AIMP2: variants seen among roughly 807,000 people sequenced by gnomAD.
AIMP2 encodes aminoacyl tRNA synthetase complex interacting multifunctional protein 2.
A neutral mutation model predicts 23.4 loss-of-function variants in AIMP2; 20 were observed. The observed-to-expected ratio is 0.85, with a 90% CI of 0.60 to 1.24. The LOEUF is 1.24. Ranked by LOEUF, AIMP2 falls within the 50% of genes most tolerant of loss-of-function variation. The pLI, the probability that AIMP2 is intolerant of heterozygous loss-of-function variation, is 0.00. For missense variants in AIMP2, 515 were observed against 414.5 expected, an observed-to-expected ratio of 1.24 and a Z score of -2.10; for synonymous variants, 210 against 170.4, an observed-to-expected ratio of 1.23 and a Z score of -1.81.
intron 3 of AIMP2, 54 bp downstream of exon 3, chr7:6,018,099 GA>G: frequency 7.3e-7 from 1 of 1,364,144 alleles, no homozygotes; most frequent in Non-Finnish European, 1.0e-6. Context: ...TGAACACCAT[GA>G]GTTTCACCTG....
chr7:6,014,485 T>G (rs1461743095), intron 1 of AIMP2, among the ~76,000 whole-genome samples: 1 of 118,476 alleles, frequency 8.4e-6, no homozygotes, highest in Non-Finnish European at 1.8e-5. Context: ...CTCAAACTCT[T>G]GAAATCAGGT....
chr7:6,023,013 T>G (rs1787545525), intron 3 of AIMP2: 3 of 319,144 alleles, frequency 9.4e-6, no homozygotes, highest in Admixed American at 4.6e-5. Flanking sequence ...CCCCAAAACC[T>G]TAGGCAGCAG....
intron 1 of AIMP2, among the ~76,000 whole-genome samples, chr7:6,011,207 C>T (rs539364521): frequency 6.6e-6 from 1 of 152,248 alleles, no homozygotes; most frequent in East Asian, 1.9e-4. Context: ...ACTGCTGGCT[C>T]AGCGGCCCGC....
chr7:6,023,666 A>G lies in AIMP2; in HGVS notation c.938A>G (p.Asn313Ser). ...MRSCENLAPF[N>S]TALKLLK Reference sequence around the variant, plus strand: ...TCTTGTGAAAACCTGGCTCCTTTTAACACGGCCCTCAAGCTCCTTAAGTGA... The same window carrying G: ...TCTTGTGAAAACCTGGCTCCTTTTAGCACGGCCCTCAAGCTCCTTAAGTGA... The change falls in exon 4 of 4, where the codon AAC becomes AGC. Residue 313 changes from asparagine to serine, a missense_variant. Asn to Ser is a conservative substitution (Grantham distance 46, BLOSUM62 1). Coordinates refer to ENST00000223029, the MANE Select transcript of AIMP2 (RefSeq NM_006303.4). 6.2e-7 allele frequency: 1 copy of G among 1,614,142 alleles called. No individual in the cohort carries two copies. The highest frequency in any genetic ancestry group is 8.5e-7 in the Non-Finnish European group (1 of 1,180,024).
intron 3 of AIMP2, chr7:6,022,992 C>T (rs1011812101): frequency 3.6e-6 from 1 of 281,100 alleles, no homozygotes; most frequent in Non-Finnish European, 6.6e-6. Flanking sequence ...CCTGGGTTTC[C>T]AGCCCTCAGC....
At chr7:6,014,481 C>G (rs1306918536) in intron 1 of AIMP2, among the ~76,000 whole-genome samples, 1 of 132,956 alleles carries the variant, frequency 7.5e-6, no homozygotes, top group Non-Finnish European at 1.6e-5. Flanking sequence ...TGGTCTCAAA[C>G]TCTTGAAATC....
chr7:6,009,974 A>AAAAAATATATATAT, intron 1 of AIMP2, among the ~76,000 whole-genome samples: 1 of 26,668 alleles, frequency 3.7e-5, no homozygotes, highest in Non-Finnish European at 6.8e-5. Context: ...AAAAAAAAAA[A>AAAAAATATATATAT]ATATATATAT....
intron 1 of AIMP2, among the ~76,000 whole-genome samples, chr7:6,011,434 T>G (rs1786683032): frequency 6.6e-6 from 1 of 152,182 alleles, no homozygotes; most frequent in South Asian, 2.1e-4. Context: ...ATTGTGCTTT[T>G]GTAATGTACC....
Position 6,009,432 on chromosome 7 carries a change from C to T in AIMP2, c.69C>T (p.Cys23=), listed in dbSNP as rs201425558. 645 of 1,611,244 alleles carry T rather than the reference C, an allele frequency of 4.0e-4. 3 individuals are homozygous for T. The highest frequency in any genetic ancestry group is 4.8e-4 in the Non-Finnish European group (570 of 1,179,900). ...GAPLRVELPT[C]MYRLPNVHGR... ...CTCTCCGTGTGGAGCTTCCCACCTG[C>T]ATGTACCGGCTCCCCAACGTGCACG... Residue 23 remains cysteine, a synonymous_variant, in exon 1 of 4, where the codon TGC becomes TGT. Transcript: ENST00000223029.
At chr7:6,010,440 G>C (rs1014615913) in intron 1 of AIMP2, among the ~76,000 whole-genome samples, 3 of 88,814 alleles carry the variant, frequency 3.4e-5, no homozygotes, top group Non-Finnish European at 2.6e-5. Context: ...AATATAGTCT[G>C]GTTTTTTGTT....
At position 6,023,801 on chromosome 7, in the gene AIMP2, T is replaced by C. The variant is rs1787652547; in HGVS notation, c.*110T>C. On this transcript the variant is annotated 3_prime_UTR_variant, in exon 4 of 4. Transcript: ENST00000223029. ...GTCAGAGTCTTTTTATTTAGGCCAG[T>C]TGTCAAGTGTCAATAAAAGCATCAT... is the stretch of plus-strand genomic sequence containing the variant. The C allele has an allele frequency of 6.3e-7, 1 of 1,584,330 alleles. No homozygotes were observed. Among genetic ancestry groups the C allele is most frequent in the Non-Finnish European group, 8.6e-7 (1 of 1,163,480 alleles).
chr7:6,013,544 A>C (rs560978778), intron 1 of AIMP2, among the ~76,000 whole-genome samples: 33 of 152,238 alleles, frequency 2.2e-4, no homozygotes, highest in African/African-American at 7.7e-4. Context: ...TATAGGCATC[A>C]GTCAGCGCGC....
Position 6,023,326 on chromosome 7 carries a change from A to C in AIMP2, c.598A>C (p.Ser200Arg), listed in dbSNP as rs760513787. The C allele has an allele frequency of 1.2e-6, 2 of 1,601,872 alleles. No individual in the cohort carries two copies. Among genetic ancestry groups the C allele is most frequent in the South Asian group, 2.2e-5 (2 of 89,290 alleles). The stretch of plus-strand genomic sequence containing the variant: ...AGTGCCGAAGACGCAGATGAAATTC[A>C]GCATCCAGACGATGTGCCCCATCGA... ...KNVPKTQMKF[S>R]IQTMCPIEGE... Residue 200 changes from serine (S) to arginine (R), a missense_variant, in exon 4 of 4, where the codon AGC (serine) becomes CGC (arginine). Physicochemically the swap from Ser to Arg is moderately radical, Grantham distance 110 (BLOSUM62 -1). Transcript: ENST00000223029.
chr7:6,012,451 TTTG>T (rs1386395792), intron 1 of AIMP2, among the ~76,000 whole-genome samples: 1 of 152,056 alleles, frequency 6.6e-6, no homozygotes, highest in African/African-American at 2.4e-5. Flanking sequence ...TCTTGAACAT[TTTG>T]TTATTACTCA....
intron 3 of AIMP2, chr7:6,022,302 G>A (rs1305371161): frequency 1.3e-5 from 2 of 152,150 alleles, no homozygotes; most frequent in African/African-American, 4.8e-5. Flanking sequence ...ATAATATACA[G>A]ACCATACAAA....
chr7:6,015,249 T>C lies in AIMP2; in HGVS notation c.239T>C (p.Ile80Thr), dbSNP rs762892628. 1.9e-6 allele frequency: 3 copies of C among 1,614,176 alleles called. No homozygotes were observed. The highest frequency in any genetic ancestry group is 2.5e-6 in the Non-Finnish European group (3 of 1,180,036). Residue 80 changes from isoleucine to threonine, a missense_variant, in exon 2 of 4, where the codon ATT becomes ACT. Coordinates refer to ENST00000223029, the MANE Select transcript of AIMP2 (RefSeq NM_006303.4). Reference sequence around the variant, plus strand: ...GCAGTTGATGGCCTCTCCAAGATGATTCAAACACCAGATGCAGACTTGGAT... The same window carrying C: ...GCAGTTGATGGCCTCTCCAAGATGACTCAAACACCAGATGCAGACTTGGAT... ...KAAVDGLSKM[I>T]QTPDADLDVT...
At chr7:6,020,376 A>C (rs1226715004) in intron 3 of AIMP2, among the ~76,000 whole-genome samples, 1 of 151,856 alleles carries the variant, frequency 6.6e-6, no homozygotes. Flanking sequence ...AGCCGAGATC[A>C]CACCACTATA....
chr7:6,015,047 G>A, intron 1 of AIMP2, 99 bp from the exon 2 acceptor site: 1 of 1,584,706 alleles, frequency 6.3e-7, no homozygotes, highest in Admixed American at 1.7e-5. Context: ...AAGGGTGGGA[G>A]GTTTGGTGAG....
At position 6,023,590 on chromosome 7, in the gene AIMP2, A is replaced by T. The variant is rs751152417; in HGVS notation, c.862A>T (p.Ile288Phe). Reference sequence around the variant, plus strand: ...GGTGCTGTGGTCTGTACTCCAGCAGATCGGAGGCTGCAGTGTGACAGTGCC... The same window carrying T: ...GGTGCTGTGGTCTGTACTCCAGCAGTTCGGAGGCTGCAGTGTGACAGTGCC... Reference protein sequence around the residue: ...DVVLWSVLQQIGGCSVTVPAN... With the variant: ...DVVLWSVLQQFGGCSVTVPAN... Residue 288 changes from isoleucine (I) to phenylalanine (F), a missense_variant, in exon 4 of 4, where the codon ATC becomes TTC. By Grantham distance (21) the Ile-to-Phe change is conservative. Coordinates refer to ENST00000223029, the MANE Select transcript of AIMP2 (RefSeq NM_006303.4). 1.2e-6 allele frequency: 2 copies of T among 1,614,104 alleles called. No individual in the cohort carries two copies. The highest frequency in any genetic ancestry group is 1.3e-5 in the African/African-American group (1 of 74,932).
Sources: allele counts gnomAD v4.1 joint callset (sites outside exome capture counted in the v4.1 genomes callset), GRCh38; gene constraint gnomAD v4.1.1; transcripts MANE v1.5; gene names NCBI Gene and HGNC (gene_info 2026-07-23, HGNC 2026-07-21).